The following CNKSR3 variants were observed in gnomAD, a reference collection of about 807,000 sequenced individuals.
CNKSR3 encodes the protein CNKSR family member 3.
A neutral mutation model predicts 67.7 loss-of-function variants in CNKSR3; 36 were observed. That is an observed-to-expected ratio of 0.53 (90% CI 0.41 to 0.70). The LOEUF (loss-of-function observed/expected upper bound fraction) is 0.70, where lower values mean the gene tolerates loss of function less well. CNKSR3 is among the 30% of genes least tolerant of loss of function. The pLI, the probability that CNKSR3 is intolerant of heterozygous loss-of-function variation, is 0.00. For missense variants in CNKSR3, 630 were observed against 695.2 expected, an observed-to-expected ratio of 0.91 and a Z score of 1.05; for synonymous variants, 281 against 271.4, an observed-to-expected ratio of 1.04 and a Z score of -0.35.
At position 154,393,220 on chromosome 6, in the gene CNKSR3, T is replaced by C. The variant is rs1199565106; in HGVS notation, c.*13134A>G. 2 of 152,226 alleles carry C rather than the reference T, an allele frequency of 1.3e-5. No homozygotes were observed. The highest frequency in any genetic ancestry group is 2.9e-5 in the Non-Finnish European group (2 of 68,056). The allele number at this position is 152,226 out of a possible 1,614,324, so 9.4% of individuals were successfully genotyped here. A position where few individuals can be genotyped will look rare whatever the true frequency, so the allele number is the denominator to read the frequency against. On this transcript the variant is annotated 3_prime_UTR_variant, in exon 13 of 13. Transcript: ENST00000607772. ...TGAGCCACTGCACCCACCTACTTAG[T>C]GTTTCTAATCCCCAGGATATATATC...
intron 1 of CNKSR3, among the ~76,000 whole-genome samples, chr6:154,491,827 C>T (rs1305393333): frequency 2.0e-5 from 3 of 152,184 alleles, no homozygotes; most frequent in Non-Finnish European, 4.4e-5. Flanking sequence ...TCAGGGAGGG[C>T]ATAACATGTC....
intron 5 of CNKSR3, among the ~76,000 whole-genome samples, chr6:154,431,214 TA>T: frequency 6.6e-6 from 1 of 151,666 alleles, no homozygotes; most frequent in East Asian, 1.9e-4. Flanking sequence ...GAGGCTGAGG[TA>T]GGGGGATCAC....
At chr6:154,484,616 C>T (rs553919444) in intron 1 of CNKSR3, among the ~76,000 whole-genome samples, 54 of 150,544 alleles carry the variant, frequency 3.6e-4, no homozygotes, top group African/African-American at 1.1e-3. Context: ...GCAGAAGAAT[C>T]GCCGGAACCC....
At chr6:154,487,217 G>A (rs961045252) in intron 1 of CNKSR3, among the ~76,000 whole-genome samples, 2 of 152,202 alleles carry the variant, frequency 1.3e-5, no homozygotes, top group Admixed American at 6.5e-5. Context: ...TGTTTGATTT[G>A]AGATTGAAAC....
intron 1 of CNKSR3, among the ~76,000 whole-genome samples, chr6:154,503,939 C>T (rs1054705319): frequency 6.6e-6 from 1 of 152,314 alleles, no homozygotes; most frequent in African/African-American, 2.4e-5. Flanking sequence ...TTTGCAGCTA[C>T]GTGCTAGAAC....
intron 2 of CNKSR3, among the ~76,000 whole-genome samples, chr6:154,448,434 C>CAAAAAAAAAAAAAAAAAAAAAA (rs56872694): frequency 8.2e-6 from 1 of 121,768 alleles, no homozygotes; most frequent in Non-Finnish European, 1.7e-5. Context: ...CACGTTTGTA[C>CAAAAAAAAAAAAAAAAAAAAAA]AAAAAAAAAA....
intron 6 of CNKSR3, among the ~76,000 whole-genome samples, chr6:154,429,946 CT>C (rs2128715334): frequency 6.6e-6 from 1 of 152,312 alleles, no homozygotes; most frequent in South Asian, 2.1e-4. Context: ...AATTAATGGG[CT>C]TCACAGCTTC....
At chr6:154,478,736 C>A (rs995012334) in intron 1 of CNKSR3, among the ~76,000 whole-genome samples, 3 of 152,142 alleles carry the variant, frequency 2.0e-5, no homozygotes, top group Admixed American at 2.0e-4. Context: ...TTTCCTGAAA[C>A]CTGCATCTTT....
intron 1 of CNKSR3, among the ~76,000 whole-genome samples, chr6:154,480,501 C>G (rs1366534540): frequency 1.3e-5 from 2 of 152,164 alleles, no homozygotes; most frequent in African/African-American, 4.8e-5. Flanking sequence ...GTCTCATGAG[C>G]AGGATGGATA....
chr6:154,453,256 G>GA (rs1785876326), intron 1 of CNKSR3, among the ~76,000 whole-genome samples: 1 of 152,118 alleles, frequency 6.6e-6, no homozygotes, highest in Admixed American at 6.6e-5. Context: ...CTCTTTTAAC[G>GA]AACCGAAAAA....
chr6:154,494,951 A>G (rs1368143693), intron 1 of CNKSR3, among the ~76,000 whole-genome samples: 1 of 152,168 alleles, frequency 6.6e-6, no homozygotes, highest in Non-Finnish European at 1.5e-5. Flanking sequence ...CTGATTTTAG[A>G]TCTCCATTGA....
chr6:154,406,324 G>GC lies in CNKSR3; in HGVS notation c.*29dup. The GC allele has an allele frequency of 6.3e-7, 1 of 1,584,508 alleles. No homozygotes were observed. Among genetic ancestry groups the GC allele is most frequent in the Non-Finnish European group, 8.6e-7 (1 of 1,165,110 alleles). ...TAAAAGCAAGGCACTTGGGGCAGGA[G>GC]CCAGGCAGGTGGCCTGAGCAGGGTC... On this transcript the variant is annotated 3_prime_UTR_variant, in exon 13 of 13. Transcript: ENST00000607772.
At chr6:154,476,259 C>A (rs1786446621) in intron 1 of CNKSR3, among the ~76,000 whole-genome samples, 1 of 152,022 alleles carries the variant, frequency 6.6e-6, no homozygotes, top group South Asian at 2.1e-4. Context: ...GAGTTCAAGA[C>A]CAGCCTGGCG....
intron 12 of CNKSR3, among the ~76,000 whole-genome samples, chr6:154,409,077 G>A (rs1784857843): frequency 6.6e-6 from 1 of 152,092 alleles, no homozygotes; most frequent in African/African-American, 2.4e-5. Context: ...TTAACTAAGG[G>A]GATCCTGAAT....
intron 1 of CNKSR3, among the ~76,000 whole-genome samples, chr6:154,465,997 A>G (rs1786190369): frequency 6.6e-6 from 1 of 152,238 alleles, no homozygotes; most frequent in African/African-American, 2.4e-5. Flanking sequence ...CTAAGCAGCC[A>G]TATGCAACTG....
At chr6:154,454,659 C>T (rs1452054958) in intron 1 of CNKSR3, among the ~76,000 whole-genome samples, 1 of 151,754 alleles carries the variant, frequency 6.6e-6, no homozygotes, top group Non-Finnish European at 1.5e-5. Context: ...GTAGCTGGGA[C>T]TACAGGTGTG....
intron 1 of CNKSR3, among the ~76,000 whole-genome samples, chr6:154,470,529 T>C (rs1479563328): frequency 6.6e-6 from 1 of 152,218 alleles, no homozygotes; most frequent in East Asian, 1.9e-4. Context: ...ATAAATCATT[T>C]CATACAATAT....
rs1562310839 is a variant in CNKSR3, at chr6:154,390,033, C to A, written c.*16321G>T. 6.6e-6 allele frequency: 1 copy of A among 152,168 alleles called. No homozygotes were observed. Among genetic ancestry groups the A allele is most frequent in the East Asian group, 1.9e-4 (1 of 5,206 alleles). The allele number at this position is 152,168 out of a possible 1,614,324, so 9.4% of individuals were successfully genotyped here. ...TCATAATCTTTGATTCATTATACAT[C>A]ATCATCAGTCCACACATATCCCTCT... On this transcript the variant is annotated 3_prime_UTR_variant, in exon 13 of 13. Transcript: ENST00000607772.
At chr6:154,420,714 A>C (rs1785127183) in intron 9 of CNKSR3, among the ~76,000 whole-genome samples, 1 of 140,206 alleles carries the variant, frequency 7.1e-6, no homozygotes, top group Admixed American at 7.3e-5. Flanking sequence ...AAAAAAAAAA[A>C]AAATGCATTG....
Sources: gnomAD v4.1 joint callset for allele counts (sites outside exome capture counted in the v4.1 genomes callset) on GRCh38, gnomAD v4.1.1 for gene constraint, MANE v1.5 for transcripts, NCBI Gene and HGNC (gene_info 2026-07-23, HGNC 2026-07-21) for gene names.